KDM4B: variants seen among roughly 807,000 people sequenced by gnomAD.
KDM4B encodes the protein lysine-specific demethylase 4B.
Under a neutral mutation model 125.2 loss-of-function variants are expected in KDM4B, and 32 were observed. That is an observed-to-expected ratio of 0.26 (90% CI 0.19 to 0.34). The LOEUF (loss-of-function observed/expected upper bound fraction) is 0.34, where lower values mean the gene tolerates loss of function less well. Ranked by LOEUF, KDM4B falls within the 10% of genes least tolerant of loss-of-function variation. The pLI is 1.00. For missense variants in KDM4B, 1,190 were observed against 1,577.7 expected (o/e 0.75, Z 4.16); for synonymous variants, 721 against 677.9 (o/e 1.06, Z -0.99).
intron 10 of KDM4B, chr19:5,111,229 G>C: frequency 1.6e-6 from 1 of 610,732 alleles, no homozygotes; most frequent in Non-Finnish European, 2.9e-6. Context: ...CCGGCTACTC[G>C]GGCCCCTCCC....
intron 6 of KDM4B, among the ~76,000 whole-genome samples, chr19:5,051,937 G>T (rs1011737244): frequency 6.6e-6 from 1 of 152,288 alleles, no homozygotes; most frequent in Middle Eastern, 3.4e-3. Flanking sequence ...CTCAGTCTCC[G>T]GTGCAGGTGT....
intron 6 of KDM4B, among the ~76,000 whole-genome samples, chr19:5,057,051 T>C (rs1482517991): frequency 7.0e-6 from 1 of 142,738 alleles, no homozygotes; most frequent in Non-Finnish European, 1.5e-5. Context: ...TGTGTGTGTG[T>C]GTGTGTGTGT....
At position 4,997,845 on chromosome 19, in the gene KDM4B, C is replaced by T. The variant is rs184527238; in HGVS notation, c.-108-18412C>T. ...CACTCCAGGAGGTTGCTAGACCTGG[C>T]GGGCCCCAGGGCCAGGAGTGAGGGG... On this transcript the variant is annotated intron_variant, in intron 1 of 22. Transcript: ENST00000159111. This position sits in a 1 kb window ranked among gnomAD's most constrained non-coding sequence, Gnocchi z 4.2. 2.2e-4 allele frequency among the ~76,000 whole-genome samples: 34 copies of T among 152,336 alleles called. No individual in the cohort carries two copies. Among genetic ancestry groups the T allele is most frequent in the African/African-American group, 5.3e-4 (22 of 41,582 alleles).
chr19:5,059,117 G>C (rs1394834248), intron 6 of KDM4B, among the ~76,000 whole-genome samples: 1 of 152,196 alleles, frequency 6.6e-6, no homozygotes, highest in Non-Finnish European at 1.5e-5. Context: ...TTAGAGGTTT[G>C]GGTTCTGAGC....
At chr19:5,101,830 C>T (rs569421339) in intron 9 of KDM4B, among the ~76,000 whole-genome samples, 139 of 152,316 alleles carry the variant, frequency 9.1e-4, no homozygotes, top group South Asian at 3.7e-3. Flanking sequence ...TTGGGTCTCT[C>T]CCCTTGGGCC....
intron 2 of KDM4B, among the ~76,000 whole-genome samples, chr19:5,030,722 C>T (rs1028001069): frequency 6.6e-6 from 1 of 152,236 alleles, no homozygotes; most frequent in Non-Finnish European, 1.5e-5. Context: ...TGGCCTAGGC[C>T]CACAACTGCC....
rs140182020 is a variant in KDM4B at position 5,001,244 on chromosome 19, C to T, written c.-108-15013C>T. Among the ~76,000 whole-genome samples the T allele has an allele frequency of 7.0e-3, 1,063 of 152,166 alleles. 10 individuals are homozygous for T. Among genetic ancestry groups the T allele is most frequent in the African/African-American group, 0.025 (1,022 of 41,526 alleles). Reference sequence around the variant, plus strand: ...AGAAATACAGGGTCTTGCTATGTTGCCCAGGCTGGTCTCAAACTCCCGGGC... The same window carrying T: ...AGAAATACAGGGTCTTGCTATGTTGTCCAGGCTGGTCTCAAACTCCCGGGC... On this transcript the variant is annotated intron_variant, in intron 1 of 22. Transcript: ENST00000159111.
intron 2 of KDM4B, among the ~76,000 whole-genome samples, chr19:5,029,145 A>T (rs1304347720): frequency 6.6e-6 from 1 of 152,218 alleles, no homozygotes; most frequent in Non-Finnish European, 1.5e-5. Flanking sequence ...TCCTGGCCTC[A>T]AGTGATCTTC....
At chr19:5,151,313 C>T (rs2039943305) in intron 22 of KDM4B, 22 bp from the exon 23 acceptor site, 1 of 1,505,116 alleles carries the variant, frequency 6.6e-7, no homozygotes, top group Non-Finnish European at 8.9e-7. Context: ...GTGCTAACCA[C>T]TGTGCTTCCG....
intron 3 of KDM4B, among the ~76,000 whole-genome samples, chr19:5,038,871 G>T (rs1042414667): frequency 6.6e-6 from 1 of 152,344 alleles, no homozygotes; most frequent in South Asian, 2.1e-4. Context: ...CCCTCCCTGC[G>T]CCTGCACTTC....
At chr19:5,101,840 C>A (rs954798399) in intron 9 of KDM4B, among the ~76,000 whole-genome samples, 8 of 152,194 alleles carry the variant, frequency 5.3e-5, no homozygotes, top group Non-Finnish European at 1.0e-4. Flanking sequence ...CCCCTTGGGC[C>A]AGCCGGATTG....
chr19:5,034,314 G>A (rs1316159356), intron 3 of KDM4B, among the ~76,000 whole-genome samples: 1 of 152,124 alleles, frequency 6.6e-6, no homozygotes, highest in East Asian at 1.9e-4. Flanking sequence ...TTTGACTATC[G>A]CTGTTCTTCC....
rs546271255 is a variant in KDM4B at position 5,031,400 on chromosome 19, G to A, written c.-25-1466G>A. On this transcript the variant is annotated intron_variant, in intron 2 of 22. Transcript: ENST00000159111. ...TCTAGGCTGCACGTGGTCACGTGCC[G>A]TGCACGGTGCACTTGGGGCCTCCTG... Among the ~76,000 whole-genome samples the A allele has an allele frequency of 3.8e-4, 58 of 152,358 alleles. 1 individual carries two copies. The highest frequency in any genetic ancestry group is 2.1e-4 in the South Asian group (1 of 4,830).
intron 1 of KDM4B, among the ~76,000 whole-genome samples, chr19:5,012,971 G>A (rs981028718): frequency 6.6e-6 from 1 of 152,238 alleles, no homozygotes; most frequent in Admixed American, 6.5e-5. Flanking sequence ...AGGCTAGCCC[G>A]GCCTCTCATC....
chr19:5,151,214 C>T, intron 22 of KDM4B, 121 bp from the exon 23 acceptor site: 2 of 839,472 alleles, frequency 2.4e-6, no homozygotes, highest in Non-Finnish European at 1.7e-6. Context: ...GCCTGCTGAG[C>T]AGCCCCCACA....
intron 11 of KDM4B, among the ~76,000 whole-genome samples, chr19:5,123,511 G>A (rs1174983524): frequency 1.3e-5 from 2 of 152,224 alleles, no homozygotes; most frequent in African/African-American, 4.8e-5. Context: ...CTGCAGTGAC[G>A]CCCTTCCCAA....
intron 1 of KDM4B, among the ~76,000 whole-genome samples, chr19:4,969,475 C>A (rs2145255803): frequency 6.7e-6 from 1 of 148,450 alleles, no homozygotes; most frequent in South Asian, 2.1e-4. Flanking sequence ...AATGGCGGGG[C>A]GCGCCCAGGG....
intron 6 of KDM4B, among the ~76,000 whole-genome samples, chr19:5,059,312 G>A (rs1363753262): frequency 3.3e-5 from 5 of 152,368 alleles, no homozygotes; most frequent in Admixed American, 3.3e-4. Context: ...GGACAGGAGC[G>A]CTGGCTGCCT....
At chr19:5,099,420 A>G (rs749974988) in intron 9 of KDM4B, among the ~76,000 whole-genome samples, 5 of 152,190 alleles carry the variant, frequency 3.3e-5, no homozygotes, top group Non-Finnish European at 4.4e-5. Context: ...AAGACAATTG[A>G]AATATGGAAA....
Sources: allele counts gnomAD v4.1 joint callset (sites outside exome capture counted in the v4.1 genomes callset), GRCh38; gene constraint gnomAD v4.1.1; non-coding constraint Gnocchi (gnomAD v3.1); transcripts MANE v1.5; gene names NCBI Gene and HGNC (gene_info 2026-07-23, HGNC 2026-07-21).